ADD2: variants seen among roughly 807,000 people sequenced by gnomAD.
ADD2 encodes the protein beta-adducin.
In ADD2, 23 loss-of-function variants were observed where a neutral mutation model predicts 83.0. The observed-to-expected ratio is 0.28, with a 90% CI of 0.20 to 0.39. The LOEUF is 0.39. Among genes scored for constraint, ADD2 ranks in the 10% least tolerant of loss-of-function variants. The probability of loss-of-function intolerance (pLI) is 1.00; values close to 1 mark genes in which losing one functional copy is unlikely to be tolerated. For synonymous variants in ADD2, 375 were observed against 375.4 expected (o/e 1.00, Z 0.01); for missense variants, 758 against 944.9 (o/e 0.80, Z 2.59).
Position 70,672,811 on chromosome 2 carries a change from C to G in ADD2, c.1870+67G>C, listed in dbSNP as rs1054594611. 1.4e-5 allele frequency: 22 copies of G among 1,517,602 alleles called. No homozygotes were observed. The African/African-American group carries it at 2.8e-4, about 19-fold the overall frequency. The allele number at this position is 1,517,602 out of a possible 1,614,324, so 94.0% of individuals were successfully genotyped here. On this transcript the variant is annotated intron_variant, in intron 15 of 15. Coordinates refer to ENST00000264436, the MANE Select transcript of ADD2 (RefSeq NM_001617.4). ...GATTAGGGGCAACACGAGTGGAAGG[C>G]AGGGCACCTTCCCAGCCTGCAGATG...
intron 1 of ADD2, among the ~76,000 whole-genome samples, chr2:70,743,630 A>T (rs2052272): frequency 0.66 from 100,638 of 152,176 alleles, 34,638 homozygotes; most frequent in East Asian, 0.9. Flanking sequence ...AGGTCTATTT[A>T]AAAATAAATC....
rs372010773 is a variant in ADD2, at chr2:70,692,441, G to A, written c.667C>T (p.Arg223Cys). 13 of 1,607,556 alleles carry A rather than the reference G, an allele frequency of 8.1e-6. No homozygotes were observed. Among genetic ancestry groups the A allele is most frequent in the African/African-American group, 2.7e-5 (2 of 74,754 alleles). ...GGTGTGTGCAGGTGGATGATGCAGC[G>A]CACGTCGGGCCTCGCTGCATAGATG... ...SAIYAARPDV[R>C]CIIHLHTPAT... Residue 223 changes from arginine (R) to cysteine (C), a missense_variant, in exon 7 of 16, where the codon CGC becomes TGC. Arg to Cys is a radical substitution (Grantham distance 180, BLOSUM62 -3). Around this residue, in one of 5 missense-constraint regions of ADD2, gnomAD observed 394 missense variants for 509.3 expected, o/e 0.77. Coordinates refer to ENST00000264436, the MANE Select transcript of ADD2 (RefSeq NM_001617.4).
intron 1 of ADD2, among the ~76,000 whole-genome samples, chr2:70,726,186 CAAAAAAAAAAAAAA>C (rs34333514): frequency 4.4e-5 from 2 of 45,492 alleles, no homozygotes; most frequent in East Asian, 4.8e-4. Flanking sequence ...GACTCCATCT[CAAAAAAAAAAAAAA>C]AAAAAAAAAA....
intron 15 of ADD2, among the ~76,000 whole-genome samples, chr2:70,664,652 G>A (rs1675683973): frequency 1.3e-5 from 2 of 152,190 alleles, no homozygotes; most frequent in South Asian, 4.1e-4. Context: ...ACCAACTTCC[G>A]GTTCAGCTTC....
intron 3 of ADD2, 147 bp from the exon 4 acceptor site, chr2:70,704,606 G>C: frequency 1.2e-6 from 1 of 818,644 alleles, no homozygotes; most frequent in East Asian, 2.6e-5. Flanking sequence ...ACACTGAGCA[G>C]TTCCACTAGG....
intron 14 of ADD2, chr2:70,673,387 G>A (rs782705715): frequency 2.1e-5 from 31 of 1,475,076 alleles, no homozygotes; most frequent in Non-Finnish European, 2.9e-5. Flanking sequence ...CGGGTAAGAG[G>A]TGGACCCACA....
intron 1 of ADD2, among the ~76,000 whole-genome samples, chr2:70,716,473 C>T (rs1672475405): frequency 6.6e-6 from 1 of 152,164 alleles, no homozygotes; most frequent in African/African-American, 2.4e-5. Flanking sequence ...TACACCCCCG[C>T]CCTGGGCTTT....
At chr2:70,697,895 C>G (rs941199897) in intron 4 of ADD2, among the ~76,000 whole-genome samples, 2 of 152,202 alleles carry the variant, frequency 1.3e-5, no homozygotes, top group African/African-American at 2.4e-5. Flanking sequence ...CCTTGCCAAC[C>G]AGAGGTGATA....
rs1363939119 is a variant in ADD2 at position 70,766,731 on chromosome 2, T to C, written c.-154+1155A>G. 7.2e-5 allele frequency among the ~76,000 whole-genome samples: 11 copies of C among 152,258 alleles called. No individual in the cohort carries two copies. The East Asian group carries it at 2.1e-3, about 29-fold the overall frequency. Reference sequence around the variant, plus strand: ...TCTGCCAGGATGCCAGACCAACCACTCCTTTTGGGTTACTCGGGAAGCACG... The same window carrying C: ...TCTGCCAGGATGCCAGACCAACCACCCCTTTTGGGTTACTCGGGAAGCACG... On this transcript the variant is annotated intron_variant, in intron 1 of 15. Transcript: ENST00000264436.
chr2:70,694,561 T>C (rs1553372263), intron 6 of ADD2, among the ~76,000 whole-genome samples: 3 of 152,292 alleles, frequency 2.0e-5, no homozygotes, highest in African/African-American at 7.2e-5. Context: ...CCCAAATGCA[T>C]GCACAGGGCT....
intron 1 of ADD2, among the ~76,000 whole-genome samples, chr2:70,736,534 C>A (rs2104484101): frequency 6.6e-6 from 1 of 152,312 alleles, no homozygotes; most frequent in African/African-American, 2.4e-5. Context: ...GCATGACAGT[C>A]CCCTGAAGTC....
At chr2:70,686,642 A>T (rs1670740446) in intron 9 of ADD2, among the ~76,000 whole-genome samples, 1 of 152,210 alleles carries the variant, frequency 6.6e-6, no homozygotes, top group Non-Finnish European at 1.5e-5. Context: ...TTAAGAGTTC[A>T]GATGTGGGAA....
At chr2:70,754,336 A>C (rs1674664745) in intron 1 of ADD2, among the ~76,000 whole-genome samples, 1 of 152,140 alleles carries the variant, frequency 6.6e-6, no homozygotes, top group Non-Finnish European at 1.5e-5. Flanking sequence ...TCTGTGATCC[A>C]CAAACGAAGA....
At chr2:70,704,263 T>TGGCCCCCCCCCCCCCCCCC in intron 4 of ADD2, 58 bp downstream of exon 4, 54 of 913,162 alleles carry the variant, frequency 5.9e-5, no homozygotes, top group East Asian at 8.8e-5. Flanking sequence ...CTCCCTCTCT[T>TGGCCCCCCCCCCCCCCCCC]CCCCACCCCA....
intron 1 of ADD2, among the ~76,000 whole-genome samples, chr2:70,721,145 G>T (rs1553377264): frequency 6.6e-6 from 1 of 152,120 alleles, no homozygotes; most frequent in East Asian, 1.9e-4. Context: ...TCTATATGTT[G>T]GATCTCTGCT....
intron 1 of ADD2, among the ~76,000 whole-genome samples, chr2:70,715,706 C>T (rs1558554327): frequency 6.6e-6 from 1 of 152,146 alleles, no homozygotes; most frequent in African/African-American, 2.4e-5. Context: ...CGTTAAAAAT[C>T]AACCTGCAAA....
intron 1 of ADD2, among the ~76,000 whole-genome samples, chr2:70,734,522 A>G (rs1673429445): frequency 6.6e-6 from 1 of 152,186 alleles, no homozygotes; most frequent in Non-Finnish European, 1.5e-5. Context: ...AGTTAGGGGT[A>G]GCACATTGGT....
chr2:70,765,077 G>C (rs1031068678), intron 1 of ADD2, among the ~76,000 whole-genome samples: 4 of 152,042 alleles, frequency 2.6e-5, no homozygotes, highest in African/African-American at 9.7e-5. Context: ...TGTTGGTTGG[G>C]CAAAGTGGCT....
At position 70,676,861 on chromosome 2, in the gene ADD2, C is replaced by T. The variant is rs376326713; in HGVS notation, c.1528G>A (p.Val510Met). The T allele has an allele frequency of 6.2e-7, 1 of 1,613,976 alleles. No individual in the cohort carries two copies. ...NKIREQNRQD[V>M]KSAGPQSQLL... ...TGGGACTGAGGCCCCGCTGACTTCA[C>T]ATCTTGTCGGTTTTGTTCTCGAATC... The change falls in exon 13 of 16, where the codon GTG becomes ATG. Residue 510 changes from valine (V) to methionine (M), a missense_variant. Physicochemically the swap from Val to Met is conservative, Grantham distance 21. Transcript: ENST00000264436. This position sits in a 1 kb window ranked among gnomAD's most constrained non-coding sequence, Gnocchi z 4.8.
Sources: gnomAD v4.1 joint callset for allele counts (sites outside exome capture counted in the v4.1 genomes callset) on GRCh38, gnomAD v4.1.1 for gene constraint, gnomAD v4.1.1 regional missense constraint, Gnocchi (gnomAD v3.1) non-coding constraint, MANE v1.5 for transcripts, NCBI Gene and HGNC (gene_info 2026-07-23, HGNC 2026-07-21) for gene names.